Variants in AGMO observed in about 807,000 individuals in gnomAD.
The protein encoded by AGMO is glyceryl-ether monooxygenase.
Under a neutral mutation model 60.2 loss-of-function variants are expected in AGMO, and 75 were observed. The observed-to-expected ratio is 1.25, with a 90% CI of 1.03 to 1.51. The LOEUF is 1.51. Among genes scored for constraint, AGMO ranks in the 40% most tolerant of loss-of-function variants. The pLI, the probability that AGMO is intolerant of heterozygous loss-of-function variation, is 0.00. For missense variants in AGMO, 763 were observed against 525.5 expected, an observed-to-expected ratio of 1.45 and a Z score of -4.42; for synonymous variants, 261 against 177.1, an observed-to-expected ratio of 1.47 and a Z score of -3.76.
the AGMO span, among the ~76,000 whole-genome samples, chr7:15,153,245 CT>C: frequency 6.6e-6 from 1 of 151,354 alleles, no homozygotes; most frequent in Admixed American, 6.6e-5. Context: ...CATATTAGTC[CT>C]TTGTCAGATA....
intron 12 of AGMO, among the ~76,000 whole-genome samples, chr7:15,250,556 A>AACAC (rs35821350): frequency 0.027 from 4,062 of 149,436 alleles, 169 homozygotes; most frequent in African/African-American, 0.093. Flanking sequence ...ACACACACTA[A>AACAC]ACACACACAC....
At chr7:15,468,826 A>C (rs1782363467) in intron 3 of AGMO, among the ~76,000 whole-genome samples, 1 of 152,104 alleles carries the variant, frequency 6.6e-6, no homozygotes, top group African/African-American at 2.4e-5. Context: ...GCAGAGATGG[A>C]TGATTTTATG....
At chr7:15,275,087 C>T (rs1275493557) in intron 12 of AGMO, among the ~76,000 whole-genome samples, 1 of 151,876 alleles carries the variant, frequency 6.6e-6, no homozygotes, top group African/African-American at 2.4e-5. Flanking sequence ...CTTTTGCTAG[C>T]TGTGGGTTTG....
chr7:15,202,960 T>G (rs2115466541), intron 12 of AGMO, among the ~76,000 whole-genome samples: 1 of 152,264 alleles, frequency 6.6e-6, no homozygotes, highest in South Asian at 2.1e-4. Flanking sequence ...ACAGAGATGA[T>G]AAATCTATAA....
chr7:15,254,459 G>C (rs1479533003), intron 12 of AGMO, among the ~76,000 whole-genome samples: 1 of 151,976 alleles, frequency 6.6e-6, no homozygotes, highest in African/African-American at 2.4e-5. Context: ...TCTGATTGTG[G>C]TTTTGACTTG....
intron 3 of AGMO, among the ~76,000 whole-genome samples, chr7:15,472,153 TG>T (rs1782464595): frequency 6.6e-6 from 1 of 151,882 alleles, no homozygotes; most frequent in Non-Finnish European, 1.5e-5. Context: ...GTAAATCAAA[TG>T]TATAAACTTC....
At chr7:15,430,984 A>G in intron 4 of AGMO, 21 bp downstream of exon 4, 1 of 1,366,340 alleles carries the variant, frequency 7.3e-7, no homozygotes. Context: ...TACCATGTTT[A>G]TTCCATTTCA....
intron 2 of AGMO, among the ~76,000 whole-genome samples, chr7:15,546,613 G>C (rs956704046): frequency 1.9e-4 from 29 of 152,224 alleles, no homozygotes; most frequent in African/African-American, 6.8e-4. Context: ...GCTGGGGCTA[G>C]AGGTCTGGGA....
At chr7:15,185,480 G>C in the AGMO span, among the ~76,000 whole-genome samples, 1 of 152,128 alleles carries the variant, frequency 6.6e-6, no homozygotes, top group South Asian at 2.1e-4. Context: ...GAACGTGCTT[G>C]ACATCTCCTA....
chr7:15,316,895 T>C (rs948081213), intron 12 of AGMO, among the ~76,000 whole-genome samples: 12 of 152,310 alleles, frequency 7.9e-5, no homozygotes, highest in Admixed American at 2.0e-4. Context: ...ACTCTGCCCA[T>C]GGCACTCTGA....
intron 12 of AGMO, among the ~76,000 whole-genome samples, chr7:15,210,340 A>G (rs1437263898): frequency 1.3e-5 from 2 of 152,180 alleles, no homozygotes; most frequent in African/African-American, 2.4e-5. Flanking sequence ...CCAGGTAAGT[A>G]TATCAATGAA....
At chr7:15,559,819 TC>T (rs767807616) in intron 2 of AGMO, among the ~76,000 whole-genome samples, 8 of 152,058 alleles carry the variant, frequency 5.3e-5, no homozygotes, top group Non-Finnish European at 1.2e-4. Context: ...AGCTATTCTT[TC>T]TGAAGCTGGA....
chr7:15,230,191 A>AT (rs2128499228), intron 12 of AGMO, among the ~76,000 whole-genome samples: 1 of 152,274 alleles, frequency 6.6e-6, no homozygotes, highest in South Asian at 2.1e-4. Flanking sequence ...GCAGCAGCAT[A>AT]TTGGTGGCTG....
chr7:15,465,120 G>A (rs1055975342), intron 3 of AGMO, among the ~76,000 whole-genome samples: 2 of 152,008 alleles, frequency 1.3e-5, no homozygotes, highest in African/African-American at 4.8e-5. Flanking sequence ...TCTTTACTCT[G>A]TGTGTTCTGT....
Position 15,555,397 on chromosome 7 carries a change from A to C in AGMO, c.257+4744T>G, listed in dbSNP as rs1317665254. 4.0e-5 allele frequency among the ~76,000 whole-genome samples: 6 copies of C among 151,186 alleles called. No individual in the cohort carries two copies. In the Admixed American group the frequency reaches 4.0e-4, roughly 10 times the overall value. On this transcript the variant is annotated intron_variant, in intron 2 of 12. Coordinates refer to ENST00000342526, the MANE Select transcript of AGMO (RefSeq NM_001004320.2). ...GGAAATTTTGTTATTTATTTACTTC[A>C]AAATCTCTTCAACTGAATCCAGGAG...
rs568085237 is a variant in AGMO at position 15,320,071 on chromosome 7, C to G, written c.1263+45443G>C. Reference sequence around the variant, plus strand: ...AGGTGGGAATTGAACAATGAGAACACTTGGACACAGGAAGGGGAACATCAC... The same window carrying G: ...AGGTGGGAATTGAACAATGAGAACAGTTGGACACAGGAAGGGGAACATCAC... On this transcript the variant is annotated intron_variant, in intron 12 of 12. Transcript: ENST00000342526. 1.2e-3 allele frequency among the ~76,000 whole-genome samples: 185 copies of G among 149,426 alleles called. 1 individual carries two copies. The highest frequency in any genetic ancestry group is 6.9e-3 in the Middle Eastern group (2 of 290).
intron 3 of AGMO, among the ~76,000 whole-genome samples, chr7:15,437,679 C>T (rs981878780): frequency 4.6e-5 from 7 of 152,102 alleles, no homozygotes; most frequent in Middle Eastern, 3.4e-3. Context: ...GGATTACAGG[C>T]GCCCGCCACC....
At chr7:15,293,336 A>G (rs1476067197) in intron 12 of AGMO, among the ~76,000 whole-genome samples, 1 of 152,122 alleles carries the variant, frequency 6.6e-6, no homozygotes, top group Non-Finnish European at 1.5e-5. Context: ...GAGATCTAGA[A>G]TTAAACAGCA....
intron 4 of AGMO, among the ~76,000 whole-genome samples, chr7:15,427,306 A>G (rs1313783351): frequency 1.3e-5 from 2 of 152,168 alleles, no homozygotes; most frequent in Non-Finnish European, 2.9e-5. Flanking sequence ...TAATAGTTTA[A>G]TATCTTCAGA....
Sources: gnomAD v4.1 joint callset for allele counts (sites outside exome capture counted in the v4.1 genomes callset) on GRCh38, gnomAD v4.1.1 for gene constraint, MANE v1.5 for transcripts, NCBI Gene and HGNC (gene_info 2026-07-23, HGNC 2026-07-21) for gene names.